Variants in POLQ observed in about 807,000 individuals in gnomAD.
POLQ encodes epididymis secretory sperm binding protein.
Under a neutral mutation model 259.2 loss-of-function variants are expected in POLQ, and 233 were observed. That is an observed-to-expected ratio of 0.90 (90% CI 0.81 to 1.00). POLQ has a LOEUF of 1.00. Among genes scored for constraint, POLQ ranks in the 50% least tolerant of loss-of-function variants. The probability of loss-of-function intolerance (pLI) is 0.00; values close to 1 mark genes in which losing one functional copy is unlikely to be tolerated. For missense variants in POLQ, 2,871 were observed against 3,051.6 expected, an observed-to-expected ratio of 0.94 and a Z score of 1.39; for synonymous variants, 1,025 against 1,048.8, an observed-to-expected ratio of 0.98 and a Z score of 0.44.
chr3:121,515,903 G>T (rs1416495181), intron 9 of POLQ, among the ~76,000 whole-genome samples: 1 of 151,596 alleles, frequency 6.6e-6, no homozygotes, highest in Non-Finnish European at 1.5e-5. Context: ...TGAACTACAA[G>T]GATATATGGA....
At chr3:121,451,649 G>A (rs548925338) in intron 25 of POLQ, among the ~76,000 whole-genome samples, 1 of 152,348 alleles carries the variant, frequency 6.6e-6, no homozygotes, top group Non-Finnish European at 1.5e-5. Context: ...TCCTCTGGAA[G>A]CTTTGTCTCA....
intron 19 of POLQ, among the ~76,000 whole-genome samples, chr3:121,479,361 A>T (rs886890202): frequency 2.8e-5 from 2 of 71,712 alleles, no homozygotes; most frequent in Admixed American, 1.5e-4. Flanking sequence ...AAAAAAAAAA[A>T]ATGTGTGTGT....
At chr3:121,458,085 G>A (rs990122320) in intron 25 of POLQ, among the ~76,000 whole-genome samples, 1 of 152,058 alleles carries the variant, frequency 6.6e-6, no homozygotes, top group Non-Finnish European at 1.5e-5. Flanking sequence ...GTCCTTTGTA[G>A]GGACATGGAT....
At chr3:121,499,560 CTAAGTTTT>C (rs1433673081) in intron 12 of POLQ, among the ~76,000 whole-genome samples, 1 of 152,102 alleles carries the variant, frequency 6.6e-6, no homozygotes, top group Non-Finnish European at 1.5e-5. Flanking sequence ...CGGCCAGAAC[CTAAGTTTT>C]TAATTATAGA....
intron 3 of POLQ, among the ~76,000 whole-genome samples, chr3:121,540,123 T>A (rs2048480310): frequency 6.6e-6 from 1 of 152,118 alleles, no homozygotes; most frequent in South Asian, 2.1e-4. Flanking sequence ...CTTTCATCAT[T>A]TCGTTACTTT....
intron 25 of POLQ, among the ~76,000 whole-genome samples, chr3:121,454,785 A>T (rs2047716948): frequency 6.6e-6 from 1 of 152,206 alleles, no homozygotes; most frequent in Non-Finnish European, 1.5e-5. Context: ...TAATAATGGG[A>T]GACTTTAACA....
chr3:121,545,045 G>C, intron 1 of POLQ, 139 bp from the exon 2 acceptor site: 1 of 569,374 alleles, frequency 1.8e-6, no homozygotes, highest in East Asian at 2.9e-5. Flanking sequence ...AGAATCTTAT[G>C]AGAAATTGAC....
At position 121,544,900 on chromosome 3, in the gene POLQ, C is replaced by G; in HGVS notation, c.170G>C (p.Cys57Ser). The G allele has an allele frequency of 6.3e-7, 1 of 1,581,956 alleles. No homozygotes were observed. Among genetic ancestry groups the G allele is most frequent in the Non-Finnish European group, 8.6e-7 (1 of 1,163,404 alleles). Residue 57 changes from cysteine to serine, a missense_variant, in exon 2 of 30, where the codon TGC (cysteine) becomes TCC (serine). Cys to Ser is a moderately radical substitution (Grantham distance 112, BLOSUM62 -1). Coordinates refer to ENST00000264233, the MANE Select transcript of POLQ (RefSeq NM_199420.4). Reference protein sequence around the residue: ...RCLKAAAAGECKPTVPDYERD... With the variant: ...RCLKAAAAGESKPTVPDYERD... The stretch of plus-strand genomic sequence containing the variant: ...TTCGTAGTCAGGAACTGTAGGCTTG[C>G]ATTCTCCTTTTAGGAAAAAGAAAAA...
intron 26 of POLQ, among the ~76,000 whole-genome samples, chr3:121,445,046 G>A (rs1370945534): frequency 6.6e-6 from 1 of 152,066 alleles, no homozygotes; most frequent in East Asian, 1.9e-4. Context: ...CAGAAATATT[G>A]GCCGGTAGGT....
At position 121,481,723 on chromosome 3, in the gene POLQ, T is replaced by C. The variant is rs1480808832; in HGVS notation, c.6060A>G (p.Leu2020=). The change falls in exon 19 of 30, where the codon CTA becomes CTG. Residue 2020 remains leucine, a synonymous_variant. Transcript: ENST00000264233. ...TSFLPHELPL[L]EGMETSQGIQ... ...TCCCTTGGCTGGTCTCCATCCCTTC[T>C]AGGAGTGGAAGCTCATGAGGAAGAA... 2.5e-6 allele frequency: 4 copies of C among 1,613,878 alleles called. No homozygotes were observed. The highest frequency in any genetic ancestry group is 3.3e-5 in the Admixed American group (2 of 59,962).
Position 121,493,464 on chromosome 3 carries a change from A to C in POLQ, c.2522+14T>G. ...TTATTTCATAAGCCCATGTAGGTAA[A>C]GGTATTTTCTTACCTTTTGAAAGGC... On this transcript the variant is annotated intron_variant, in intron 15 of 29. Coordinates refer to ENST00000264233, the MANE Select transcript of POLQ (RefSeq NM_199420.4). 6.3e-7 allele frequency: 1 copy of C among 1,597,458 alleles called. No homozygotes were observed. The highest frequency in any genetic ancestry group is 2.2e-5 in the East Asian group (1 of 44,652).
At chr3:121,476,464 ACAC>A in intron 20 of POLQ, 73 bp downstream of exon 20, 11 of 1,040,214 alleles carry the variant, frequency 1.1e-5, no homozygotes, top group Non-Finnish European at 1.5e-5. Flanking sequence ...ATACACACAC[ACAC>A]ACACACACAC....
intron 25 of POLQ, among the ~76,000 whole-genome samples, chr3:121,455,907 C>T (rs1424239471): frequency 9.4e-6 from 1 of 106,202 alleles, no homozygotes; most frequent in East Asian, 3.8e-4. Context: ...ATCCTGATAC[C>T]AAAGCCTGGC....
At position 121,524,996 on chromosome 3, in the gene POLQ, G is replaced by A. The variant is rs923604316; in HGVS notation, c.1109-2847C>T. 4.9e-4 allele frequency among the ~76,000 whole-genome samples: 74 copies of A among 151,758 alleles called. 1 individual carries two copies. The highest frequency in any genetic ancestry group is 1.4e-3 in the Admixed American group (21 of 15,212). On this transcript the variant is annotated intron_variant, in intron 7 of 29. Transcript: ENST00000264233. ...GAGTTGACTGTCAAACAACACAGGA[G>A]TTAGAAACACAGAAACCCCCAGTCA...
chr3:121,489,371 T>A lies in POLQ; in HGVS notation c.3560A>T (p.His1187Leu). Reference protein sequence around the residue: ...SKNQNVYMKHHDIHPINQYLR... With the variant: ...SKNQNVYMKHLDIHPINQYLR... ...GTACTGGTTAATTGGATGGATGTCA[T>A]GGTGTTTCATATAAACATTCTGGTT... Residue 1187 changes from histidine (H) to leucine (L), a missense_variant, in exon 16 of 30, where the codon CAT (histidine) becomes CTT (leucine). By Grantham distance (99) the His-to-Leu change is moderately conservative (BLOSUM62 -3). Coordinates refer to ENST00000264233, the MANE Select transcript of POLQ (RefSeq NM_199420.4). 1 of 1,613,488 alleles carries A rather than the reference T, an allele frequency of 6.2e-7. No homozygotes were observed.
At chr3:121,511,328 C>T (rs1259505359) in intron 10 of POLQ, among the ~76,000 whole-genome samples, 1 of 150,814 alleles carries the variant, frequency 6.6e-6, no homozygotes, top group Non-Finnish European at 1.5e-5. Flanking sequence ...AACCCAGGAG[C>T]CAGAGGTTGC....
intron 25 of POLQ, among the ~76,000 whole-genome samples, chr3:121,455,076 A>T (rs1209542786): frequency 6.6e-6 from 1 of 151,916 alleles, no homozygotes; most frequent in South Asian, 2.1e-4. Context: ...GGATTAAGAA[A>T]CTCACTCAAA....
chr3:121,499,052 G>A (rs1204656304), intron 12 of POLQ, among the ~76,000 whole-genome samples: 1 of 152,144 alleles, frequency 6.6e-6, no homozygotes, highest in African/African-American at 2.4e-5. Context: ...CATCACTCCA[G>A]CCTGGGCAAC....
chr3:121,462,692 G>T (rs2047801851), intron 24 of POLQ, among the ~76,000 whole-genome samples: 1 of 152,162 alleles, frequency 6.6e-6, no homozygotes. Flanking sequence ...CTTGAATGCT[G>T]AGAAATGATC....
Sources: allele counts gnomAD v4.1 joint callset (sites outside exome capture counted in the v4.1 genomes callset), GRCh38; gene constraint gnomAD v4.1.1; transcripts MANE v1.5; gene names NCBI Gene and HGNC (gene_info 2026-07-23, HGNC 2026-07-21).